NPHP1: variants seen among roughly 807,000 people sequenced by gnomAD.
NPHP1 encodes nephrocystin 1, also known as nephrocystin-1.
In NPHP1, 70 loss-of-function variants were observed where a neutral mutation model predicts 90.4. The observed-to-expected ratio is 0.77, with a 90% CI of 0.64 to 0.95. The LOEUF is 0.95. Among genes scored for constraint, NPHP1 ranks in the 40% least tolerant of loss-of-function variants. NPHP1 has a pLI of 0.00. For synonymous variants in NPHP1, 256 were observed against 271.7 expected (o/e 0.94, Z 0.57); for missense variants, 764 against 795.9 (o/e 0.96, Z 0.48).
At position 110,147,951 on chromosome 2, in the gene NPHP1, T is replaced by C. The variant is rs958211666; in HGVS notation, c.1234A>G (p.Ile412Val). 33 of 1,607,910 alleles carry C rather than the reference T, an allele frequency of 2.1e-5. No homozygotes were observed. The highest frequency in any genetic ancestry group is 2.7e-5 in the Non-Finnish European group (32 of 1,174,456). ...RSNSASPDLG[I>V]LFELGISYIR... ...TAAGAAATTCCAAGTTCAAATAATA[T>C]TCCAAGATCTGGAGATGCAGAATTA... is the stretch of plus-strand genomic sequence containing the variant. The change falls in exon 13 of 20, where the codon ATA becomes GTA. Residue 412 changes from isoleucine (I) to valine (V), a missense_variant. Ile to Val is a conservative substitution (Grantham distance 29, BLOSUM62 3). Coordinates refer to ENST00000445609, the MANE Select transcript of NPHP1 (RefSeq NM_001128178.3).
intron 11 of NPHP1, 91 bp from the exon 12 acceptor site, chr2:110,150,347 T>A: frequency 8.7e-7 from 1 of 1,156,036 alleles, no homozygotes; most frequent in Non-Finnish European, 1.3e-6. Flanking sequence ...GTGGCTACAC[T>A]AAGTGAGGAA....
At position 110,170,123 on chromosome 2, in the gene NPHP1, G is replaced by A; in HGVS notation, c.330-125C>T. On this transcript the variant is annotated intron_variant, in intron 4 of 19. Coordinates refer to ENST00000445609, the MANE Select transcript of NPHP1 (RefSeq NM_001128178.3). ...GAGCTGGCAAATAAAAGAAATAAGGGAAAATACAAAGAACAGTTTCTACCA... is the reference window on the plus strand; with the variant it reads ...GAGCTGGCAAATAAAAGAAATAAGGAAAAATACAAAGAACAGTTTCTACCA... The A allele has an allele frequency of 3.9e-6, 5 of 1,287,446 alleles. No individual in the cohort carries two copies. The Admixed American group carries it at 6.9e-5, about 18-fold the overall frequency. 79.8% of individuals were successfully genotyped at this position (1,287,446 alleles called of 1,614,324 possible).
intron 19 of NPHP1, chr2:110,125,107 C>T: frequency 7.7e-7 from 1 of 1,306,938 alleles, no homozygotes; most frequent in Admixed American, 2.8e-5. Context: ...GACCACAAGA[C>T]CTGAAAAGCC....
rs1683747045 is a variant in NPHP1, at chr2:110,179,629, T to C, written c.199A>G (p.Ser67Gly). 1.5e-6 allele frequency: 2 copies of C among 1,341,990 alleles called. No homozygotes were observed. Among genetic ancestry groups the C allele is most frequent in the Admixed American group, 1.7e-5 (1 of 58,804 alleles). 83.1% of individuals were successfully genotyped at this position (1,341,990 alleles called of 1,614,324 possible). Residue 67 changes from serine (S) to glycine (G), a missense_variant, in exon 3 of 20, where the codon AGC becomes GGC. Ser to Gly is a moderately conservative substitution (Grantham distance 56). Transcript: ENST00000445609. Reference protein sequence around the residue: ...DENKNALQKLSKADESAPVAN... With the variant: ...DENKNALQKLGKADESAPVAN... ...TGATTAACCTCAATACTTACTTTGC[T>C]TAATTTTTGAAGAGCATTTTTATTT...
At chr2:110,154,378 T>G (rs1218997059) in intron 11 of NPHP1, among the ~76,000 whole-genome samples, 1 of 152,068 alleles carries the variant, frequency 6.6e-6, no homozygotes, top group East Asian at 1.9e-4. Context: ...ACTAATACAG[T>G]AAATTGGGAC....
intron 2 of NPHP1, chr2:110,185,307 C>T: frequency 2.6e-6 from 1 of 379,590 alleles, no homozygotes; most frequent in South Asian, 2.2e-5. Flanking sequence ...AGTGTGTGAG[C>T]ACATGCAAGT....
At chr2:110,134,818 G>C (rs1418203118) in intron 16 of NPHP1, among the ~76,000 whole-genome samples, 1 of 151,916 alleles carries the variant, frequency 6.6e-6, no homozygotes, top group Non-Finnish European at 1.5e-5. Context: ...ACTAGGAATA[G>C]AAAGAAACTA....
intron 2 of NPHP1, among the ~76,000 whole-genome samples, chr2:110,200,478 G>A (rs903755734): frequency 6.6e-6 from 1 of 151,586 alleles, no homozygotes; most frequent in Non-Finnish European, 1.5e-5. Context: ...CAGAAGAATC[G>A]CTTGAACCTG....
intron 4 of NPHP1, among the ~76,000 whole-genome samples, chr2:110,174,722 A>C (rs1320182789): frequency 6.6e-6 from 1 of 151,984 alleles, no homozygotes; most frequent in Non-Finnish European, 1.5e-5. Context: ...ACTGAAGCTG[A>C]ACATGGTGAC....
intron 2 of NPHP1, chr2:110,185,213 G>C: frequency 1.9e-6 from 1 of 526,624 alleles, no homozygotes; most frequent in Non-Finnish European, 3.8e-6. Flanking sequence ...TCTCTCTGAA[G>C]TTAACTCCAC....
Position 110,124,013 on chromosome 2 carries a change from G to A in NPHP1, c.1812C>T (p.Cys604=), listed in dbSNP as rs776611397. ...GTGTGGAGTGGAGAAGTGGGAGCACGCAGTCATGGTAAACCAGGAGAAACG... is the reference window on the plus strand; with the variant it reads ...GTGTGGAGTGGAGAAGTGGGAGCACACAGTCATGGTAAACCAGGAGAAACG... ...KSTFLLVYHD[C]VLPLLHSTRL... The change falls in exon 20 of 20, where the codon TGC becomes TGT. Residue 604 remains cysteine, a synonymous_variant. Coordinates refer to ENST00000445609, the MANE Select transcript of NPHP1 (RefSeq NM_001128178.3). 1.4e-5 allele frequency: 23 copies of A among 1,614,042 alleles called. 1 individual carries two copies. In the Middle Eastern group the frequency reaches 4.9e-4, roughly 35 times the overall value.
At chr2:110,177,099 G>A (rs1683559258) in intron 4 of NPHP1, among the ~76,000 whole-genome samples, 1 of 152,126 alleles carries the variant, frequency 6.6e-6, no homozygotes, top group Non-Finnish European at 1.5e-5. Context: ...TTATTCCCAG[G>A]GAAAAGGTCT....
rs551852195 is a variant in NPHP1, at chr2:110,131,026, T to A, written c.1642+653A>T. Reference sequence around the variant, plus strand: ...GCACATACCAGGTACTCAGTACATATCTGGTTACTGATTTATTGAACTGAA... The same window carrying A: ...GCACATACCAGGTACTCAGTACATAACTGGTTACTGATTTATTGAACTGAA... On this transcript the variant is annotated intron_variant, in intron 17 of 19. Transcript: ENST00000445609. Among the ~76,000 whole-genome samples the A allele has an allele frequency of 1.2e-4, 18 of 152,290 alleles. No individual in the cohort carries two copies. The East Asian group carries it at 2.1e-3, about 18-fold the overall frequency.
intron 5 of NPHP1, among the ~76,000 whole-genome samples, chr2:110,168,857 T>C (rs989700172): frequency 6.6e-6 from 1 of 152,154 alleles, no homozygotes; most frequent in Non-Finnish European, 1.5e-5. Context: ...CCATACTTAT[T>C]CCAAAAATTC....
At chr2:110,130,855 G>A (rs901070052) in intron 17 of NPHP1, among the ~76,000 whole-genome samples, 2 of 152,094 alleles carry the variant, frequency 1.3e-5, no homozygotes, top group African/African-American at 4.8e-5. Flanking sequence ...CATTAATCAA[G>A]TCTTCCCAGT....
chr2:110,163,182 G>A (rs1451500960), intron 8 of NPHP1, 47 bp from the exon 9 acceptor site: 1 of 1,312,520 alleles, frequency 7.6e-7, no homozygotes. Flanking sequence ...TCATGTTTCT[G>A]CATCTCTATA....
chr2:110,156,073 C>CTTT (rs35055335), intron 11 of NPHP1, among the ~76,000 whole-genome samples: 4 of 142,054 alleles, frequency 2.8e-5, no homozygotes, highest in Non-Finnish European at 4.6e-5. Flanking sequence ...GCAGGTCTTT[C>CTTT]TTTTTTTTTT....
intron 2 of NPHP1, 89 bp from the exon 3 acceptor site, chr2:110,179,773 G>T: frequency 1.1e-5 from 7 of 655,610 alleles, no homozygotes; most frequent in Non-Finnish European, 1.9e-5. Context: ...CGTTGAGCAG[G>T]CAAGGCAATT....
At chr2:110,143,411 G>A in intron 16 of NPHP1, 131 bp downstream of exon 16, 2 of 710,672 alleles carry the variant, frequency 2.8e-6, no homozygotes, top group Non-Finnish European at 5.1e-6. Context: ...CTGACCTTTG[G>A]GGGAAGAATT....
Sources: allele counts gnomAD v4.1 joint callset (sites outside exome capture counted in the v4.1 genomes callset), GRCh38; gene constraint gnomAD v4.1.1; transcripts MANE v1.5; gene names NCBI Gene and HGNC (gene_info 2026-07-23, HGNC 2026-07-21).